FREM1: variants seen among roughly 807,000 people sequenced by gnomAD.
The protein encoded by FREM1 is FRAS1-related extracellular matrix protein 1.
FREM1 carries 220 observed loss-of-function variants against 210.1 expected under a neutral mutation model. The observed-to-expected ratio is 1.05, with a 90% CI of 0.94 to 1.17. FREM1 has a LOEUF of 1.17. Ranked by LOEUF, FREM1 falls within the 50% of genes most tolerant of loss-of-function variation. FREM1 has a pLI of 0.00. For synonymous variants in FREM1, 1,189 were observed against 980.2 expected, an observed-to-expected ratio of 1.21 and a Z score of -3.98; for missense variants, 3,454 against 2,675.5, an observed-to-expected ratio of 1.29 and a Z score of -6.42.
intron 10 of FREM1, among the ~76,000 whole-genome samples, chr9:14,829,383 T>G (rs1323432803): frequency 6.6e-6 from 1 of 152,248 alleles, no homozygotes; most frequent in Non-Finnish European, 1.5e-5. Context: ...TTTTCTATCT[T>G]GGTTGCCATG....
At chr9:14,898,227 C>A (rs775409357) in intron 1 of FREM1, among the ~76,000 whole-genome samples, 39 of 152,274 alleles carry the variant, frequency 2.6e-4, no homozygotes, top group South Asian at 1.9e-3. Context: ...AAAATGAAGA[C>A]AATAATTGAC....
rs191713464 is a variant in FREM1 at position 14,747,054 on chromosome 9, T to C, written c.6010-3A>G. ...TTTGGAAATGAGGGCAACTGGTCCT[T>C]TGGGAAGGAAAGGCAATTTAGCAAT... On this transcript the variant is annotated splice_polypyrimidine_tract_variant and splice_region_variant and intron_variant, in intron 33 of 36. Coordinates refer to ENST00000380880, the MANE Select transcript of FREM1 (RefSeq NM_001379081.2). The C allele has an allele frequency of 1.7e-5, 27 of 1,613,142 alleles. No homozygotes were observed. In the Admixed American group the frequency reaches 3.5e-4, roughly 21 times the overall value.
intron 21 of FREM1, among the ~76,000 whole-genome samples, chr9:14,797,069 G>A (rs937110484): frequency 5.1e-4 from 78 of 152,154 alleles, no homozygotes; most frequent in African/African-American, 1.8e-3. Context: ...ATTTCCCTCC[G>A]CCACGCTTAG....
Position 14,748,632 on chromosome 9 carries a change from G to A in FREM1, c.5565C>T (p.Cys1855=), listed in dbSNP as rs1406351907. Residue 1855 remains cysteine, a synonymous_variant, in exon 31 of 37, where the codon TGC becomes TGT. Coordinates refer to ENST00000380880, the MANE Select transcript of FREM1 (RefSeq NM_001379081.2). The part of the protein sequence containing the change: ...VKILDSKGGQ[C]HPSYSSNQSK... ...TTTGGTTGGAGGAATATGAAGGATG[G>A]CATTGTCCTGGAGGCATGCAAGATG... is the stretch of plus-strand genomic sequence containing the variant. The A allele has an allele frequency of 7.5e-6, 12 of 1,610,558 alleles. No homozygotes were observed. Among genetic ancestry groups the A allele is most frequent in the Non-Finnish European group, 1.0e-5 (12 of 1,177,462 alleles).
intron 28 of FREM1, among the ~76,000 whole-genome samples, chr9:14,759,403 G>A (rs772176116): frequency 4.7e-5 from 7 of 149,234 alleles, no homozygotes; most frequent in African/African-American, 1.5e-4. Context: ...CCAGCTACTC[G>A]GGAGCCTGAG....
At chr9:14,872,329 C>T (rs1289292071) in intron 1 of FREM1, among the ~76,000 whole-genome samples, 1 of 152,050 alleles carries the variant, frequency 6.6e-6, no homozygotes, top group Admixed American at 6.6e-5. Flanking sequence ...TTCTTTGTAT[C>T]CTCTTTTATT....
At position 14,868,923 on chromosome 9, in the gene FREM1, C is replaced by A; in HGVS notation, c.55G>T (p.Ala19Ser). 1 of 1,603,380 alleles carries A rather than the reference C, an allele frequency of 6.2e-7. No individual in the cohort carries two copies. The highest frequency in any genetic ancestry group is 8.5e-7 in the Non-Finnish European group (1 of 1,175,828). ...ANAVLLLLLL[A>S]WASPTFISIN... is the part of the protein sequence containing the mutation. Reference sequence around the variant, plus strand: ...CTGATGAAGGTGGGGCTGGCCCAGGCCAGGAGGAGCAGCAGCAGCACGGCA... The same window carrying A: ...CTGATGAAGGTGGGGCTGGCCCAGGACAGGAGGAGCAGCAGCAGCACGGCA... The change falls in exon 2 of 37, where the codon GCC becomes TCC. Residue 19 changes from alanine to serine, a missense_variant. By Grantham distance (99) the Ala-to-Ser change is moderately conservative (BLOSUM62 1). Transcript: ENST00000380880.
intron 24 of FREM1, chr9:14,782,439 G>C (rs1316977148): frequency 6.4e-6 from 4 of 627,666 alleles, no homozygotes; most frequent in Non-Finnish European, 7.9e-6. Context: ...GTTTCTTCAA[G>C]ACAGTCACTA....
intron 16 of FREM1, among the ~76,000 whole-genome samples, chr9:14,809,879 G>C (rs1409362340): frequency 6.7e-6 from 1 of 150,362 alleles, no homozygotes; most frequent in Non-Finnish European, 1.5e-5. Flanking sequence ...GAATAGCACA[G>C]ATGTATGTAT....
At chr9:14,834,095 C>A (rs1824082681) in intron 10 of FREM1, among the ~76,000 whole-genome samples, 1 of 152,148 alleles carries the variant, frequency 6.6e-6, no homozygotes, top group South Asian at 2.1e-4. Context: ...TATGAGAGAG[C>A]TTTGGTGAGT....
chr9:14,781,647 G>C (rs566108424), intron 24 of FREM1, among the ~76,000 whole-genome samples: 76 of 152,260 alleles, frequency 5.0e-4, no homozygotes, highest in African/African-American at 1.7e-3. Flanking sequence ...AGTTCCATCA[G>C]TACATTGGGC....
intron 10 of FREM1, among the ~76,000 whole-genome samples, chr9:14,839,114 A>G (rs1825171266): frequency 6.6e-6 from 1 of 152,198 alleles, no homozygotes; most frequent in African/African-American, 2.4e-5. Flanking sequence ...CTATTTGTAA[A>G]AGGCCATGGG....
At chr9:14,903,812 C>T (rs1251818966) in intron 1 of FREM1, among the ~76,000 whole-genome samples, 1 of 151,352 alleles carries the variant, frequency 6.6e-6, no homozygotes, top group Admixed American at 6.6e-5. Context: ...TATCTTTGAG[C>T]TCTTTCTATT....
At chr9:14,747,856 C>T (rs1401964610) in intron 31 of FREM1, 128 bp from the exon 32 acceptor site, 2 of 524,074 alleles carry the variant, frequency 3.8e-6, no homozygotes, top group African/African-American at 2.0e-5. Context: ...CTTAAGATTT[C>T]CCACGCCCAA....
At chr9:14,797,012 C>T (rs1334554079) in intron 21 of FREM1, among the ~76,000 whole-genome samples, 2 of 152,140 alleles carry the variant, frequency 1.3e-5, no homozygotes, top group East Asian at 3.8e-4. Flanking sequence ...CAGTAGAGAA[C>T]TGGTGGACAA....
At chr9:14,854,490 A>G (rs1828356603) in intron 5 of FREM1, among the ~76,000 whole-genome samples, 1 of 152,136 alleles carries the variant, frequency 6.6e-6, no homozygotes, top group African/African-American at 2.4e-5. Context: ...TCAAAGATGA[A>G]TTCAATGTGG....
intron 16 of FREM1, among the ~76,000 whole-genome samples, chr9:14,809,550 C>T (rs10217334): frequency 0.12 from 18,393 of 151,984 alleles, 1,130 homozygotes; most frequent in South Asian, 0.15. Context: ...AAGGAAAAAC[C>T]GAATTGAAGT....
At chr9:14,818,357 T>C (rs951306561) in intron 14 of FREM1, among the ~76,000 whole-genome samples, 1 of 152,208 alleles carries the variant, frequency 6.6e-6, no homozygotes, top group Non-Finnish European at 1.5e-5. Flanking sequence ...TGTAAATCAA[T>C]GGTGGAACTA....
At chr9:14,828,015 C>G (rs963084409) in intron 10 of FREM1, among the ~76,000 whole-genome samples, 1 of 152,202 alleles carries the variant, frequency 6.6e-6, no homozygotes, top group Non-Finnish European at 1.5e-5. Flanking sequence ...CAGAAAGCCT[C>G]GGGACTCAGG....
Sources: allele counts gnomAD v4.1 joint callset (sites outside exome capture counted in the v4.1 genomes callset), GRCh38; gene constraint gnomAD v4.1.1; transcripts MANE v1.5; gene names NCBI Gene and HGNC (gene_info 2026-07-23, HGNC 2026-07-21).